MYO15B: variants seen among roughly 807,000 people sequenced by gnomAD.
MYO15B encodes the protein myosin XVB, also known as myosin XVB pseudogene.
In MYO15B, 207 loss-of-function variants were observed where a neutral mutation model predicts 119.3. The ratio of observed to expected loss-of-function variants is 1.73; its 90% CI spans 1.55 to 1.95. The LOEUF (loss-of-function observed/expected upper bound fraction) is 1.95, where lower values mean the gene tolerates loss of function less well. Ranked by LOEUF, MYO15B falls within the 30% of genes most tolerant of loss-of-function variation. The probability of loss-of-function intolerance (pLI) is 0.00; values close to 1 mark genes in which losing one functional copy is unlikely to be tolerated. For missense variants in MYO15B, 2,264 were observed against 1,203.1 expected, an observed-to-expected ratio of 1.88 and a Z score of -13.04; for synonymous variants, 966 against 498.9, an observed-to-expected ratio of 1.94 and a Z score of -12.48.
chr17:75,597,150 G>A (rs762812980), intron 14 of MYO15B, among the ~76,000 whole-genome samples: 1 of 152,206 alleles, frequency 6.6e-6, no homozygotes, highest in Non-Finnish European at 1.5e-5. Flanking sequence ...GGTTCCTCAC[G>A]TACCTGCCAC....
At chr17:75,619,501 A>G (rs1285734367) in intron 45 of MYO15B, 25 bp downstream of exon 45, 6 of 698,470 alleles carry the variant, frequency 8.6e-6, no homozygotes, top group Middle Eastern at 2.6e-4. Flanking sequence ...GGTAGGGAGT[A>G]GGGATGCCAG....
chr17:75,609,531 A>G (rs1156583395), intron 21 of MYO15B, among the ~76,000 whole-genome samples: 3 of 135,202 alleles, frequency 2.2e-5, no homozygotes, highest in Non-Finnish European at 4.6e-5. Context: ...CATATGGGGA[A>G]CTGATCTGAA....
Position 75,621,529 on chromosome 17 carries a change from TCA to T in MYO15B, c.7965_7966del (p.Ser2656Ter), listed in dbSNP as rs1164231124. The stretch of plus-strand genomic sequence containing the variant: ...CCCATCCAGGAGTCGCTCCTCAGCC[TCA>T]GTGATGATGTGAGCAAGCTGGCTGT... On this transcript the variant is annotated frameshift_variant, in exon 52 of 64. Coordinates refer to ENST00000645453, the Ensembl canonical transcript of MYO15B. LOFTEE classifies it high-confidence loss of function. 2 of 702,358 alleles carry T rather than the reference TCA, an allele frequency of 2.8e-6. No homozygotes were observed. The highest frequency in any genetic ancestry group is 4.0e-5 in the Admixed American group (2 of 50,002). 43.5% of individuals were successfully genotyped at this position (702,358 alleles called of 1,614,324 possible).
exon 1 of MYO15B, chr17:75,590,157 G>A (rs924130556): frequency 2.5e-6 from 1 of 399,070 alleles, no homozygotes; most frequent in Non-Finnish European, 4.4e-6. Context: ...GCCTCCGGCC[G>A]GGCCTGGAGG....
In MYO15B at chr17:75,589,144, C is replaced by T; in HGVS notation, c.1087C>T (p.Leu363Phe). The T allele has an allele frequency of 2.6e-6, 1 of 391,628 alleles. No individual in the cohort carries two copies. The highest frequency in any genetic ancestry group is 4.5e-6 in the Non-Finnish European group (1 of 221,502). The allele number at this position is 391,628 out of a possible 1,614,324, so 24.3% of individuals were successfully genotyped here. A position where few individuals can be genotyped will look rare whatever the true frequency, so the allele number is the denominator to read the frequency against. ...GGCCGTGGGCCCCCGCCGCGCTGGC[C>T]TCAAGGAGCGGCTCCTGAGTGTAGC... The change falls in exon 1 of 64, where the codon CTC becomes TTC. Residue 363 changes from leucine (L) to phenylalanine (F), a missense_variant. Coordinates refer to ENST00000645453, the Ensembl canonical transcript of MYO15B. This position sits in a 1 kb window ranked among gnomAD's most constrained non-coding sequence, Gnocchi z 4.2.
At chr17:75,614,343 C>T (rs1469629992) in exon 30 of MYO15B, 1 of 702,636 alleles carries the variant, frequency 1.4e-6, no homozygotes, top group Non-Finnish European at 2.6e-6. Flanking sequence ...GCAGCTACCC[C>T]ATCACTCCTC....
chr17:75,606,949 C>T (rs756008403), intron 21 of MYO15B: 103 of 398,488 alleles, frequency 2.6e-4, no homozygotes, highest in Admixed American at 1.8e-4. Context: ...TTCACACATT[C>T]CTCCAACAGC....
Position 75,615,494 on chromosome 17 carries a change from C to T in MYO15B, c.5741-9C>T, listed in dbSNP as rs1466410354. On this transcript the variant is annotated splice_polypyrimidine_tract_variant and intron_variant, in intron 34 of 63. Transcript: ENST00000645453. ...TGCCCACCACTCTGGCCGCCTGCCG[C>T]CCTCACAGCCATGGTGGTGCCGCCG... 16 of 687,812 alleles carry T rather than the reference C, an allele frequency of 2.3e-5. No individual in the cohort carries two copies. Among genetic ancestry groups the T allele is most frequent in the Admixed American group, 1.8e-4 (9 of 48,852 alleles). 42.6% of individuals were successfully genotyped at this position (687,812 alleles called of 1,614,324 possible). A position where few individuals can be genotyped will look rare whatever the true frequency, so the allele number is the denominator to read the frequency against.
At chr17:75,617,679 T>G in intron 41 of MYO15B, 131 bp from the exon 42 acceptor site, 1 of 597,058 alleles carries the variant, frequency 1.7e-6, no homozygotes, top group Non-Finnish European at 3.0e-6. Context: ...ATGGAAGGAG[T>G]AAGGCAGCTG....
chr17:75,615,181 T>G (rs2058290824), intron 33 of MYO15B, 59 bp from the exon 34 acceptor site: 2 of 685,796 alleles, frequency 2.9e-6, no homozygotes, highest in Admixed American at 4.0e-5. Context: ...TGCCTGGGGC[T>G]GGAGGGAGGT....
intron 53 of MYO15B, among the ~76,000 whole-genome samples, chr17:75,622,830 T>G (rs902485314): frequency 6.6e-5 from 10 of 152,140 alleles, no homozygotes; most frequent in Admixed American, 1.3e-4. Flanking sequence ...GGAGGAAATC[T>G]GTTTTGGACA....
chr17:75,624,782 C>T (rs927556806), exon 59 of MYO15B: 43 of 702,760 alleles, frequency 6.1e-5, no homozygotes, highest in Non-Finnish European at 9.6e-5. Context: ...CCAGCTGGTG[C>T]GGCCCCTGCA....
Position 75,625,708 on chromosome 17 carries a change from G to A in MYO15B, c.8938+48G>A, listed in dbSNP as rs1450007220. ...GCTGGGTGGGGGCTGGAGGCCAAGAGGGAAGGAATGCAGGTAGAGGGGCGA... is the reference window on the plus strand; with the variant it reads ...GCTGGGTGGGGGCTGGAGGCCAAGAAGGAAGGAATGCAGGTAGAGGGGCGA... On this transcript the variant is annotated intron_variant, in intron 61 of 63. Coordinates refer to ENST00000645453, the Ensembl canonical transcript of MYO15B. 5.7e-6 allele frequency: 4 copies of A among 701,980 alleles called. No individual in the cohort carries two copies. The Admixed American group carries it at 8.0e-5, about 14-fold the overall frequency. The allele number at this position is 701,980 out of a possible 1,614,324, so 43.5% of individuals were successfully genotyped here.
In MYO15B at chr17:75,619,491, G is replaced by A. The variant is rs3809686; in HGVS notation, c.7182+15G>A. On this transcript the variant is annotated intron_variant, in intron 45 of 63. Coordinates refer to ENST00000645453, the Ensembl canonical transcript of MYO15B. ...TTCCTGTCTCGGTCAGTGGCGCTGG[G>A]GTAGGGAGTAGGGATGCCAGGCCCC... 1.5e-3 allele frequency: 1,026 copies of A among 701,014 alleles called. 7 individuals are homozygous for A. The highest frequency in any genetic ancestry group is 9.2e-3 in the East Asian group (343 of 37,274). The allele number at this position is 701,014 out of a possible 1,614,324, so 43.4% of individuals were successfully genotyped here.
exon 3 of MYO15B, chr17:75,590,947 G>C: frequency 1.8e-6 from 1 of 545,898 alleles, no homozygotes; most frequent in South Asian, 2.1e-5. Context: ...AACCCCCACC[G>C]GTCCTTGCCT....
chr17:75,601,591 T>C, intron 15 of MYO15B, 28 bp downstream of exon 15: 1 of 700,068 alleles, frequency 1.4e-6, no homozygotes, highest in Admixed American at 2.0e-5. Context: ...CAGACCAGGG[T>C]GAATCAGCGA....
intron 14 of MYO15B, among the ~76,000 whole-genome samples, chr17:75,599,923 GAAAT>G (rs1197858586): frequency 6.9e-6 from 1 of 145,666 alleles, no homozygotes; most frequent in Admixed American, 6.9e-5. Flanking sequence ...TAATAATAAT[GAAAT>G]AAATAAATAC....
chr17:75,605,907 G>C (rs759299130), exon 21 of MYO15B: 7 of 701,868 alleles, frequency 1.0e-5, no homozygotes, highest in Non-Finnish European at 2.6e-6. Context: ...GAGGAGCTCC[G>C]GGACCAGCAG....
Position 75,625,912 on chromosome 17 carries a change from C to CT in MYO15B, c.9008dup (p.Ser3004ValfsTer57), listed in dbSNP as rs2059022898. 1 of 702,670 alleles carries CT rather than the reference C, an allele frequency of 1.4e-6. No individual in the cohort carries two copies. The allele number at this position is 702,670 out of a possible 1,614,324, so 43.5% of individuals were successfully genotyped here. On this transcript the variant is annotated frameshift_variant, in exon 62 of 64. Transcript: ENST00000645453. LOFTEE classifies it high-confidence loss of function. ...GGTGCTGCGAGTGAGCATGCAGGCC[C>CT]TGTCCGGACCCACTCTCCTGGGGCT... is the stretch of plus-strand genomic sequence containing the variant.
Sources: gnomAD v4.1 joint callset for allele counts (sites outside exome capture counted in the v4.1 genomes callset) on GRCh38, gnomAD v4.1.1 for gene constraint, Gnocchi (gnomAD v3.1) non-coding constraint, MANE v1.5 for transcripts, NCBI Gene and HGNC (gene_info 2026-07-23, HGNC 2026-07-21) for gene names.